NR2F1-AS1: variants seen among roughly 807,000 people sequenced by gnomAD.
NR2F1-AS1 encodes the protein NR2F1 regulatory antisense RNA 1.
intron 4 of NR2F1-AS1, among the ~76,000 whole-genome samples, chr5:93,544,353 AC>A (rs1752025948): frequency 1.3e-5 from 2 of 152,172 alleles, no homozygotes; most frequent in Non-Finnish European, 2.9e-5. Flanking sequence ...ACTTTCATTA[AC>A]GCTAAATTAT....
intron 4 of NR2F1-AS1, among the ~76,000 whole-genome samples, chr5:93,434,764 T>C (rs1749399008): frequency 6.6e-6 from 1 of 152,234 alleles, no homozygotes; most frequent in African/African-American, 2.4e-5. Context: ...AACATTGACC[T>C]TTGTAAATAG....
chr5:93,419,912 T>C (rs975134180), intron 4 of NR2F1-AS1, among the ~76,000 whole-genome samples: 3 of 152,080 alleles, frequency 2.0e-5, no homozygotes, highest in Non-Finnish European at 4.4e-5. Flanking sequence ...TATATCATCT[T>C]GGGGCCGGGC....
intron 4 of NR2F1-AS1, among the ~76,000 whole-genome samples, chr5:93,527,665 C>T (rs535905428): frequency 6.6e-6 from 1 of 152,150 alleles, no homozygotes; most frequent in Admixed American, 6.5e-5. Context: ...ACCAATGGAA[C>T]AGAACAGAGG....
chr5:93,532,968 C>T (rs920897738), intron 4 of NR2F1-AS1, among the ~76,000 whole-genome samples: 3 of 152,212 alleles, frequency 2.0e-5, no homozygotes, highest in Non-Finnish European at 2.9e-5. Flanking sequence ...AACTATTACA[C>T]TGTCCTAGAT....
At chr5:93,546,167 G>T (rs532441387) in intron 4 of NR2F1-AS1, among the ~76,000 whole-genome samples, 1 of 152,142 alleles carries the variant, frequency 6.6e-6, no homozygotes, top group East Asian at 1.9e-4. Flanking sequence ...AAGGTATCTA[G>T]CATATAAGAA....
At chr5:93,417,566 T>C (rs534777482) in intron 4 of NR2F1-AS1, among the ~76,000 whole-genome samples, 8 of 152,364 alleles carry the variant, frequency 5.3e-5, no homozygotes, top group African/African-American at 1.7e-4. Flanking sequence ...AATACAGCCA[T>C]AGCAATTCAG....
At chr5:93,507,330 T>TTTTTGTTTTGTTTTG (rs140764241) in intron 4 of NR2F1-AS1, among the ~76,000 whole-genome samples, 4 of 149,890 alleles carry the variant, frequency 2.7e-5, no homozygotes, top group African/African-American at 7.4e-5. Context: ...TTTGGGGTTT[T>TTTTTGTTTTGTTTTG]TTTTGTTTTG....
chr5:93,467,245 C>G (rs1750258796), intron 4 of NR2F1-AS1, among the ~76,000 whole-genome samples: 1 of 152,122 alleles, frequency 6.6e-6, no homozygotes, highest in African/African-American at 2.4e-5. Context: ...TCCCATGAAA[C>G]TACCATTGAC....
chr5:93,521,208 A>G (rs1247556725), intron 4 of NR2F1-AS1, among the ~76,000 whole-genome samples: 3 of 152,210 alleles, frequency 2.0e-5, no homozygotes, highest in Non-Finnish European at 2.9e-5. Context: ...CACCACATAC[A>G]AAAATCAACC....
intron 4 of NR2F1-AS1, among the ~76,000 whole-genome samples, chr5:93,468,915 A>G (rs377154984): frequency 6.6e-5 from 10 of 152,256 alleles, no homozygotes; most frequent in Middle Eastern, 3.4e-3. Flanking sequence ...TCCTTTCCCC[A>G]TTGCTTGTTT....
intron 4 of NR2F1-AS1, among the ~76,000 whole-genome samples, chr5:93,498,862 T>C (rs933926291): frequency 1.3e-5 from 2 of 152,180 alleles, no homozygotes; most frequent in Non-Finnish European, 2.9e-5. Flanking sequence ...TTTTCTATTT[T>C]ATTAAAAAGA....
At chr5:93,531,020 T>A (rs1231213025) in intron 4 of NR2F1-AS1, among the ~76,000 whole-genome samples, 2 of 152,180 alleles carry the variant, frequency 1.3e-5, no homozygotes, top group African/African-American at 4.8e-5. Context: ...AGAGCTGCCA[T>A]TTTTTTGTTT....
chr5:93,472,494 C>G lies in NR2F1-AS1; in HGVS notation n.639-76952G>C, dbSNP rs538066749. On this transcript the variant is annotated intron_variant and non_coding_transcript_variant, in intron 4 of 5. Transcript: ENST00000660523. ...GAAATATGTAAATATCTCTTAGCTA[C>G]TCTCCATAAGCTACATGAATATACT... Among the ~76,000 whole-genome samples the G allele has an allele frequency of 9.2e-4, 140 of 151,850 alleles. 3 individuals are homozygous for G. The highest frequency in any genetic ancestry group is 9.0e-3 in the Admixed American group (137 of 15,234).
chr5:93,421,466 C>T (rs1202713436), intron 4 of NR2F1-AS1, among the ~76,000 whole-genome samples: 1 of 152,136 alleles, frequency 6.6e-6, no homozygotes, highest in Non-Finnish European at 1.5e-5. Context: ...CTCCATTCCT[C>T]GGTGTGGTTT....
intron 4 of NR2F1-AS1, among the ~76,000 whole-genome samples, chr5:93,463,946 G>T (rs963342757): frequency 6.6e-6 from 1 of 152,192 alleles, no homozygotes; most frequent in African/African-American, 2.4e-5. Context: ...ACTTTAAATG[G>T]TGGACTTTTG....
chr5:93,453,084 A>G (rs990649391), intron 4 of NR2F1-AS1, among the ~76,000 whole-genome samples: 2 of 152,196 alleles, frequency 1.3e-5, no homozygotes, highest in East Asian at 3.8e-4. Context: ...TATGTTCAAG[A>G]ATGCAGTAGA....
chr5:93,529,058 G>C (rs1751681116), intron 4 of NR2F1-AS1, among the ~76,000 whole-genome samples: 1 of 151,998 alleles, frequency 6.6e-6, no homozygotes, highest in Admixed American at 6.6e-5. Context: ...TTAAAAAATA[G>C]AATGTGAGTA....
intron 4 of NR2F1-AS1, among the ~76,000 whole-genome samples, chr5:93,533,565 T>G (rs1044244308): frequency 6.6e-6 from 1 of 152,228 alleles, no homozygotes; most frequent in African/African-American, 2.4e-5. Context: ...TGGTAAATAA[T>G]GGATTTTAAT....
chr5:93,420,777 G>C (rs948869305), intron 4 of NR2F1-AS1, among the ~76,000 whole-genome samples: 1 of 152,066 alleles, frequency 6.6e-6, no homozygotes, highest in African/African-American at 2.4e-5. Flanking sequence ...TAAAAAGAAG[G>C]ATAGATCCTA....
Sources: gnomAD v4.1 joint callset for allele counts (sites outside exome capture counted in the v4.1 genomes callset) on GRCh38, gnomAD v4.1.1 for gene constraint, MANE v1.5 for transcripts, NCBI Gene and HGNC (gene_info 2026-07-23, HGNC 2026-07-21) for gene names.